The following TC2N variants were observed in gnomAD, a reference collection of about 807,000 sequenced individuals.
TC2N encodes tandem C2 domains, nuclear, also known as tandem C2 domains nuclear protein.
Under a neutral mutation model 61.9 loss-of-function variants are expected in TC2N, and 51 were observed. That is an observed-to-expected ratio of 0.82 (90% CI 0.66 to 1.04). The LOEUF is 1.04. TC2N is among the 50% of genes least tolerant of loss of function. The pLI, the probability that TC2N is intolerant of heterozygous loss-of-function variation, is 0.00. For synonymous variants in TC2N, 204 were observed against 192.6 expected, an observed-to-expected ratio of 1.06 and a Z score of -0.49; for missense variants, 556 against 566.7, an observed-to-expected ratio of 0.98 and a Z score of 0.19.
chr14:91,799,026 A>G lies in TC2N; in HGVS notation c.600T>C (p.Ser200=), dbSNP rs199908493. ...TACTCCCCTGAGAATTTTTCCTTGAAGAAGAACTACTGGGTACACTGGACA... is the reference window on the plus strand; with the variant it reads ...TACTCCCCTGAGAATTTTTCCTTGAGGAAGAACTACTGGGTACACTGGACA... ...DSLSSVPSSS[S]SRKNSQGSNR... is the part of the protein sequence containing the mutation. Residue 200 remains serine, a synonymous_variant, in exon 6 of 12, where the codon TCT becomes TCC. Transcript: ENST00000435962. 15 of 1,598,634 alleles carry G rather than the reference A, an allele frequency of 9.4e-6. No individual in the cohort carries two copies. The East Asian group carries it at 3.4e-4, about 36-fold the overall frequency.
rs887454309 is a variant in TC2N, at chr14:91,837,724, A to G, written c.-56-23899T>C. On this transcript the variant is annotated intron_variant, in intron 1 of 11. Coordinates refer to ENST00000435962, the MANE Select transcript of TC2N (RefSeq NM_001128596.3). The surrounding 1 kb of genome is among the most constrained non-coding windows in gnomAD (Gnocchi z 4.2). ...ATATTTGTTTTCCTTGAGATTCACA[A>G]TGCATACTAGCATTTTACAGGCATA... Among the ~76,000 whole-genome samples the G allele has an allele frequency of 3.2e-4, 49 of 152,328 alleles. No homozygotes were observed. Among genetic ancestry groups the G allele is most frequent in the African/African-American group, 1.1e-3 (47 of 41,574 alleles).
intron 1 of TC2N, among the ~76,000 whole-genome samples, chr14:91,859,885 T>C (rs1476666756): frequency 2.6e-5 from 4 of 152,150 alleles, no homozygotes; most frequent in Non-Finnish European, 5.9e-5. Flanking sequence ...GGGGATGTGT[T>C]TGTTTCTCCA....
rs1277175961 is a variant in TC2N at position 91,780,944 on chromosome 14, C to A, written c.*2156G>T. 1 of 149,226 alleles carries A rather than the reference C, an allele frequency of 6.7e-6. No homozygotes were observed. Among genetic ancestry groups the A allele is most frequent in the Non-Finnish European group, 1.5e-5 (1 of 67,934 alleles). The allele number at this position is 149,226 out of a possible 1,614,324, so 9.2% of individuals were successfully genotyped here. ...TCTTAGTTGTATCAATACTTCTGTA[C>A]CTGAAAGCTCTTTTAAATGTAAGGG... is the stretch of plus-strand genomic sequence containing the variant. On this transcript the variant is annotated 3_prime_UTR_variant, in exon 12 of 12. Transcript: ENST00000435962.
At chr14:91,828,087 T>C (rs1298826232) in intron 1 of TC2N, among the ~76,000 whole-genome samples, 1 of 152,230 alleles carries the variant, frequency 6.6e-6, no homozygotes, top group African/African-American at 2.4e-5. Flanking sequence ...CAACTGTTCA[T>C]GTACAATCAC....
chr14:91,816,697 T>A (rs1438664806), intron 1 of TC2N, among the ~76,000 whole-genome samples: 1 of 151,952 alleles, frequency 6.6e-6, no homozygotes, highest in East Asian at 1.9e-4. Flanking sequence ...CATCCTGTTA[T>A]ACAGTATGAG....
At chr14:91,806,978 T>A (rs1218696292) in intron 3 of TC2N, among the ~76,000 whole-genome samples, 1 of 152,200 alleles carries the variant, frequency 6.6e-6, no homozygotes, top group Non-Finnish European at 1.5e-5. Flanking sequence ...GTGCCCTGCA[T>A]CCCAGTTGCT....
intron 8 of TC2N, among the ~76,000 whole-genome samples, chr14:91,797,261 A>T (rs995562628): frequency 1.6e-4 from 25 of 152,100 alleles, no homozygotes; most frequent in Non-Finnish European, 1.8e-4. Context: ...ATATTATTTT[A>T]AAATGATGTC....
intron 6 of TC2N, among the ~76,000 whole-genome samples, 198 bp from the exon 7 acceptor site, chr14:91,798,597 G>T (rs922124538): frequency 2.0e-5 from 3 of 151,866 alleles, no homozygotes; most frequent in Non-Finnish European, 2.9e-5. Flanking sequence ...CTATAAAAAG[G>T]TCTCATGGTT....
chr14:91,806,952 G>T (rs1403706502), intron 3 of TC2N, among the ~76,000 whole-genome samples: 1 of 152,226 alleles, frequency 6.6e-6, no homozygotes, highest in Non-Finnish European at 1.5e-5. Context: ...CCTGTTGTGT[G>T]CAGCCTAGGG....
At chr14:91,828,154 A>G (rs2139890086) in intron 1 of TC2N, among the ~76,000 whole-genome samples, 1 of 152,190 alleles carries the variant, frequency 6.6e-6, no homozygotes, top group South Asian at 2.1e-4. Context: ...TTGGTAGAAA[A>G]CCCTCTGTTG....
chr14:91,859,970 G>C (rs550282847), intron 1 of TC2N, among the ~76,000 whole-genome samples: 1 of 152,146 alleles, frequency 6.6e-6, no homozygotes, highest in Non-Finnish European at 1.5e-5. Flanking sequence ...ATCACGGAAG[G>C]TTTTGTCAAT....
At chr14:91,817,592 T>C (rs944835809) in intron 1 of TC2N, among the ~76,000 whole-genome samples, 8 of 152,104 alleles carry the variant, frequency 5.3e-5, no homozygotes, top group Non-Finnish European at 1.2e-4. Context: ...ACCTAGTTGA[T>C]AGATAAGGAA....
chr14:91,840,561 T>G (rs4904816), intron 1 of TC2N, among the ~76,000 whole-genome samples: 1 of 152,046 alleles, frequency 6.6e-6, no homozygotes, highest in Non-Finnish European at 1.5e-5. Context: ...TTCATCATCT[T>G]TATCTGCACT....
At chr14:91,791,007 C>G (rs1885613733) in intron 9 of TC2N, among the ~76,000 whole-genome samples, 1 of 151,748 alleles carries the variant, frequency 6.6e-6, no homozygotes, top group African/African-American at 2.4e-5. Flanking sequence ...TGGTGGTGTG[C>G]CTGTAGTCCT....
chr14:91,862,339 C>CAAAAAAAAAAAAA (rs56816512), intron 1 of TC2N, among the ~76,000 whole-genome samples: 12 of 106,488 alleles, frequency 1.1e-4, no homozygotes, highest in African/African-American at 4.0e-4. Context: ...GACTCTGTCT[C>CAAAAAAAAAAAAA]AAAAAAAAAA....
At chr14:91,831,640 G>T (rs1887775241) in intron 1 of TC2N, among the ~76,000 whole-genome samples, 1 of 152,092 alleles carries the variant, frequency 6.6e-6, no homozygotes, top group Admixed American at 6.5e-5. Flanking sequence ...GTTCTATAAT[G>T]CTGGGAAAAA....
At chr14:91,798,895 A>G in intron 6 of TC2N, 94 bp downstream of exon 6, 1 of 762,178 alleles carries the variant, frequency 1.3e-6, no homozygotes, top group Non-Finnish European at 2.1e-6. Context: ...AGATACAATC[A>G]TCTAGAGTTT....
At chr14:91,807,107 T>TG (rs1217683519) in intron 3 of TC2N, among the ~76,000 whole-genome samples, 1 of 152,222 alleles carries the variant, frequency 6.6e-6, no homozygotes, top group Non-Finnish European at 1.5e-5. Context: ...TCACAAGAAT[T>TG]GAGGTTTGGG....
intron 1 of TC2N, among the ~76,000 whole-genome samples, chr14:91,841,593 G>A (rs1469829007): frequency 6.6e-6 from 1 of 152,278 alleles, no homozygotes. Context: ...CTGGCCAGAG[G>A]ACCCAAGATG....
Sources: allele counts gnomAD v4.1 joint callset (sites outside exome capture counted in the v4.1 genomes callset), GRCh38; gene constraint gnomAD v4.1.1; non-coding constraint Gnocchi (gnomAD v3.1); transcripts MANE v1.5; gene names NCBI Gene and HGNC (gene_info 2026-07-23, HGNC 2026-07-21).